Variants in STX18 observed in about 807,000 individuals in gnomAD.
The protein encoded by STX18 is syntaxin 18, also known as syntaxin-18.
In STX18, 40 loss-of-function variants were observed where a neutral mutation model predicts 50.1. The ratio of observed to expected loss-of-function variants is 0.80; its 90% CI spans 0.62 to 1.04. The LOEUF is 1.04. Among genes scored for constraint, STX18 ranks in the 50% least tolerant of loss-of-function variants. The pLI, the probability that STX18 is intolerant of heterozygous loss-of-function variation, is 0.00. For missense variants in STX18, 410 were observed against 415.8 expected, an observed-to-expected ratio of 0.99 and a Z score of 0.12; for synonymous variants, 158 against 151.8, an observed-to-expected ratio of 1.04 and a Z score of -0.30.
chr4:4,506,756 T>C (rs1680538717), intron 1 of STX18, among the ~76,000 whole-genome samples: 1 of 152,220 alleles, frequency 6.6e-6, no homozygotes, highest in African/African-American at 2.4e-5. Flanking sequence ...AGAGAATAAA[T>C]GCAATAATAA....
intron 1 of STX18, among the ~76,000 whole-genome samples, chr4:4,533,748 G>A (rs1375989040): frequency 6.6e-6 from 1 of 152,180 alleles, no homozygotes; most frequent in Admixed American, 6.5e-5. Context: ...CTGAGAAGAC[G>A]TGTTTCTGCA....
intron 1 of STX18, among the ~76,000 whole-genome samples, chr4:4,484,007 G>A (rs528690073): frequency 0.02 from 2,981 of 152,078 alleles, 99 homozygotes; most frequent in African/African-American, 0.068. Flanking sequence ...GACTACAGGT[G>A]CGTGCCACCA....
At chr4:4,504,187 A>G (rs1049567154) in intron 1 of STX18, among the ~76,000 whole-genome samples, 5 of 152,246 alleles carry the variant, frequency 3.3e-5, no homozygotes, top group African/African-American at 1.2e-4. Flanking sequence ...AGAACATAAA[A>G]TGTTCAAGGA....
chr4:4,513,753 T>G (rs1195495960), intron 1 of STX18, among the ~76,000 whole-genome samples: 2 of 152,218 alleles, frequency 1.3e-5, no homozygotes, highest in Non-Finnish European at 2.9e-5. Context: ...GCACTCAATC[T>G]TGACAGCAAA....
At chr4:4,425,339 C>G in intron 7 of STX18, 117 bp from the exon 8 acceptor site, 1 of 898,522 alleles carries the variant, frequency 1.1e-6, no homozygotes, top group Non-Finnish European at 1.8e-6. Context: ...CCAGCTGCGG[C>G]AACGTGGCAG....
chr4:4,489,504 C>T lies in STX18; in HGVS notation c.169-17798G>A, dbSNP rs927680920. 3.5e-5 allele frequency among the ~76,000 whole-genome samples: 5 copies of T among 144,050 alleles called. No homozygotes were observed. The South Asian group carries it at 6.5e-4, about 19-fold the overall frequency. 94.5% of individuals were successfully genotyped at this position (144,050 alleles called of 152,430 possible). A position where few individuals can be genotyped will look rare whatever the true frequency, so the allele number is the denominator to read the frequency against. On this transcript the variant is annotated intron_variant, in intron 1 of 10. Coordinates refer to ENST00000306200, the MANE Select transcript of STX18 (RefSeq NM_016930.4). ...GGCTCAAGCAATCTGCCTGCCTCAGCCTCCCAAAGTGCTGGGATTATAGGC... is the reference window on the plus strand; with the variant it reads ...GGCTCAAGCAATCTGCCTGCCTCAGTCTCCCAAAGTGCTGGGATTATAGGC...
upstream of STX18, chr4:4,542,073 CG>C: frequency 7.9e-7 from 1 of 1,260,096 alleles, no homozygotes; most frequent in Non-Finnish European, 1.0e-6. Context: ...CGCCTCCCCC[CG>C]GCAACGGCGA....
At chr4:4,428,449 T>A (rs1160753969) in intron 7 of STX18, among the ~76,000 whole-genome samples, 1 of 152,138 alleles carries the variant, frequency 6.6e-6, no homozygotes, top group Non-Finnish European at 1.5e-5. Flanking sequence ...AGTACTTAAG[T>A]AGTGGGGTTG....
intron 1 of STX18, among the ~76,000 whole-genome samples, chr4:4,522,587 T>C (rs973831540): frequency 6.6e-6 from 1 of 152,090 alleles, no homozygotes; most frequent in Non-Finnish European, 1.5e-5. Flanking sequence ...CTGACCGAAA[T>C]GTGGAGGAGC....
chr4:4,474,094 C>G (rs547103935), intron 1 of STX18, among the ~76,000 whole-genome samples: 13 of 152,270 alleles, frequency 8.5e-5, no homozygotes, highest in Non-Finnish European at 1.3e-4. Flanking sequence ...AACGCCCTAC[C>G]CATCATTCTC....
At chr4:4,536,408 G>A (rs910173289) in intron 1 of STX18, among the ~76,000 whole-genome samples, 4 of 152,154 alleles carry the variant, frequency 2.6e-5, no homozygotes, top group African/African-American at 9.7e-5. Context: ...CAAATAAATG[G>A]ATATATGATC....
rs184826293 is a variant in STX18 at position 4,487,015 on chromosome 4, T to C, written c.169-15309A>G. On this transcript the variant is annotated intron_variant, in intron 1 of 10. Coordinates refer to ENST00000306200, the MANE Select transcript of STX18 (RefSeq NM_016930.4). ...CTCTTCTATAAAAGAAATAAACATA[T>C]ACACAAAAACAAAAAACTTTCTGCC... is the stretch of plus-strand genomic sequence containing the variant. 7.2e-5 allele frequency among the ~76,000 whole-genome samples: 11 copies of C among 152,240 alleles called. No individual in the cohort carries two copies. In the East Asian group the frequency reaches 2.1e-3, roughly 29 times the overall value.
chr4:4,459,090 A>ACACACAC (rs1560174341), intron 3 of STX18, among the ~76,000 whole-genome samples: 1 of 150,346 alleles, frequency 6.7e-6, no homozygotes, highest in Non-Finnish European at 1.5e-5. Context: ...ACACACACAC[A>ACACACAC]AATTTGTCTT....
chr4:4,488,762 A>G (rs1728805731), intron 1 of STX18, among the ~76,000 whole-genome samples: 1 of 152,226 alleles, frequency 6.6e-6, no homozygotes, highest in East Asian at 1.9e-4. Context: ...AACTCAAAAG[A>G]GCAAGTAATA....
chr4:4,477,426 T>C (rs1407593868), intron 1 of STX18, among the ~76,000 whole-genome samples: 2 of 152,148 alleles, frequency 1.3e-5, no homozygotes, highest in South Asian at 2.1e-4. Flanking sequence ...TTAAATTCCA[T>C]GTAACAGGAT....
intron 1 of STX18, among the ~76,000 whole-genome samples, chr4:4,494,518 C>T (rs1349025910): frequency 6.6e-6 from 1 of 152,184 alleles, no homozygotes; most frequent in East Asian, 1.9e-4. Context: ...TGAATCTTCA[C>T]AAAAGTCCTC....
intron 1 of STX18, chr4:4,476,227 G>T (rs749389978): frequency 2.0e-5 from 3 of 152,144 alleles, no homozygotes; most frequent in African/African-American, 4.8e-5. Flanking sequence ...GAGAGGAAGG[G>T]TATGGACAAA....
intron 8 of STX18, among the ~76,000 whole-genome samples, chr4:4,424,081 C>G (rs1209488089): frequency 6.6e-6 from 1 of 151,590 alleles, no homozygotes; most frequent in Non-Finnish European, 1.5e-5. Context: ...ACTCCCTGTT[C>G]CAAGAAAAAA....
chr4:4,521,985 G>C (rs1730527709), intron 1 of STX18, among the ~76,000 whole-genome samples: 1 of 152,126 alleles, frequency 6.6e-6, no homozygotes, highest in Non-Finnish European at 1.5e-5. Flanking sequence ...GCAAGCTCCA[G>C]TTCCCAAGCA....
Sources: gnomAD v4.1 joint callset for allele counts (sites outside exome capture counted in the v4.1 genomes callset) on GRCh38, gnomAD v4.1.1 for gene constraint, MANE v1.5 for transcripts, NCBI Gene and HGNC (gene_info 2026-07-23, HGNC 2026-07-21) for gene names.